Variants in LRRC7 observed in about 807,000 individuals in gnomAD.
LRRC7 encodes the protein leucine rich repeat containing 7, also known as leucine-rich repeat-containing protein 7.
Under a neutral mutation model 175.7 loss-of-function variants are expected in LRRC7, and 23 were observed. The observed-to-expected ratio is 0.13, with a 90% confidence interval of 0.09 to 0.19. The LOEUF (loss-of-function observed/expected upper bound fraction) is 0.19, where lower values mean the gene tolerates loss of function less well. Among genes scored for constraint, LRRC7 ranks in the 10% least tolerant of loss-of-function variants. The pLI is 1.00. For synonymous variants in LRRC7, 685 were observed against 680.9 expected (o/e 1.01, Z -0.09); for missense variants, 1,354 against 1,904.7 (o/e 0.71, Z 5.38).
At chr1:69,957,968 G>A (rs1012292523) in intron 8 of LRRC7, among the ~76,000 whole-genome samples, 6 of 151,880 alleles carry the variant, frequency 4.0e-5, no homozygotes, top group African/African-American at 1.2e-4. Flanking sequence ...AGAATGTGAT[G>A]CAAGTAAAAA....
intron 25 of LRRC7, among the ~76,000 whole-genome samples, chr1:70,097,027 C>T (rs1170396080): frequency 6.6e-6 from 1 of 152,218 alleles, no homozygotes; most frequent in Non-Finnish European, 1.5e-5. Context: ...TGTACAACTA[C>T]AGTGTCCTTT....
intron 3 of LRRC7, among the ~76,000 whole-genome samples, chr1:69,781,913 G>GAAGAAAGAAAGAAAGA (rs760972258): frequency 2.8e-4 from 19 of 68,070 alleles, no homozygotes; most frequent in African/African-American, 1.2e-3. Flanking sequence ...GAAAGAAAAA[G>GAAGAAAGAAAGAAAGA]AAGAAAGAAA....
chr1:69,697,868 T>C (rs980648395), intron 2 of LRRC7, among the ~76,000 whole-genome samples: 1 of 152,194 alleles, frequency 6.6e-6, no homozygotes, highest in Non-Finnish European at 1.5e-5. Flanking sequence ...TAAGACTTAG[T>C]GCATCTAGCC....
chr1:69,987,782 T>G (rs1467954735), intron 10 of LRRC7, among the ~76,000 whole-genome samples: 1 of 152,234 alleles, frequency 6.6e-6, no homozygotes, highest in South Asian at 2.1e-4. Flanking sequence ...TTAGCAAAAT[T>G]GTGGTCCATC....
chr1:69,709,681 C>T (rs1192734865), intron 2 of LRRC7, among the ~76,000 whole-genome samples: 1 of 152,128 alleles, frequency 6.6e-6, no homozygotes, highest in East Asian at 1.9e-4. Context: ...TTAAGAAATA[C>T]TCTGTATGAT....
chr1:69,911,154 T>A (rs1386428432), intron 7 of LRRC7, among the ~76,000 whole-genome samples: 1 of 152,220 alleles, frequency 6.6e-6, no homozygotes, highest in Non-Finnish European at 1.5e-5. Flanking sequence ...GCTTCCCAAG[T>A]GAGGCAATGC....
chr1:69,940,438 A>T (rs1454429825), intron 8 of LRRC7, among the ~76,000 whole-genome samples: 2 of 152,120 alleles, frequency 1.3e-5, no homozygotes, highest in East Asian at 3.9e-4. Context: ...CCATAAATGG[A>T]TTTTTCTGAG....
intron 8 of LRRC7, among the ~76,000 whole-genome samples, chr1:69,944,606 C>T (rs1346616345): frequency 6.6e-6 from 1 of 151,990 alleles, no homozygotes; most frequent in Non-Finnish European, 1.5e-5. Flanking sequence ...ATGACAGCAC[C>T]ATTTTACGTT....
rs1198418578 is a variant in LRRC7, at chr1:70,018,766, G to C, written c.1368G>C (p.Lys456Asn). 8.1e-6 allele frequency: 13 copies of C among 1,612,758 alleles called. No homozygotes were observed. Among genetic ancestry groups the C allele is most frequent in the Non-Finnish European group, 1.0e-5 (12 of 1,179,150 alleles). The change falls in exon 15 of 27, where the codon AAG (lysine) becomes AAC (asparagine). Residue 456 changes from lysine to asparagine, a missense_variant. Lys to Asn is a moderately conservative substitution (Grantham distance 94). Around this residue, in one of 4 missense-constraint regions of LRRC7, gnomAD observed 201 missense variants for 481.4 expected, o/e 0.42. Transcript: ENST00000651989. ...AAACAGAAGCCCATCCAGAAACAAA[G>C]CAAAGAGTATTGACTAACTACATGT... ...PLQTEAHPET[K>N]QRVLTNYMFP...
At chr1:69,595,934 T>A (rs1457203684) in intron 1 of LRRC7, among the ~76,000 whole-genome samples, 1 of 125,674 alleles carries the variant, frequency 8.0e-6, no homozygotes, top group Non-Finnish European at 1.9e-5. Context: ...ACATACCCAG[T>A]GAGTGATTGC....
At chr1:69,937,086 A>G (rs1472812778) in intron 8 of LRRC7, among the ~76,000 whole-genome samples, 1 of 152,114 alleles carries the variant, frequency 6.6e-6, no homozygotes, top group African/African-American at 2.4e-5. Flanking sequence ...TAATTTGTTT[A>G]TAAATTATTT....
chr1:69,597,781 C>A (rs1034749920), intron 1 of LRRC7, among the ~76,000 whole-genome samples: 2 of 152,158 alleles, frequency 1.3e-5, no homozygotes, highest in African/African-American at 4.8e-5. Context: ...TGGCCATTTA[C>A]GTGTAACTTC....
At chr1:69,944,701 C>T (rs771549905) in intron 8 of LRRC7, among the ~76,000 whole-genome samples, 24 of 151,516 alleles carry the variant, frequency 1.6e-4, no homozygotes, top group Non-Finnish European at 2.9e-4. Flanking sequence ...TGATAATGTT[C>T]GTTATAACAA....
At chr1:69,943,881 C>T (rs1402422707) in intron 8 of LRRC7, among the ~76,000 whole-genome samples, 2 of 150,466 alleles carry the variant, frequency 1.3e-5, no homozygotes, top group African/African-American at 4.9e-5. Flanking sequence ...AATGAAATTT[C>T]TAGTTCCAAA....
chr1:69,641,303 T>G (rs185999907), intron 1 of LRRC7, among the ~76,000 whole-genome samples: 326 of 151,778 alleles, frequency 2.1e-3, no homozygotes, highest in African/African-American at 7.7e-3. Flanking sequence ...ATTACCTATC[T>G]CAGACCTTTT....
intron 3 of LRRC7, among the ~76,000 whole-genome samples, chr1:69,781,783 A>G (rs1259171030): frequency 1.6e-5 from 1 of 63,444 alleles, no homozygotes; most frequent in Non-Finnish European, 3.1e-5. Flanking sequence ...GAAAGAAAGA[A>G]AGAAAGGAAG....
chr1:69,962,055 C>A (rs202041064), intron 8 of LRRC7, among the ~76,000 whole-genome samples: 2 of 152,012 alleles, frequency 1.3e-5, no homozygotes, highest in East Asian at 1.9e-4. Context: ...AACAGACAAT[C>A]TACAGAATGG....
chr1:69,811,468 C>A (rs1287724707), intron 4 of LRRC7, among the ~76,000 whole-genome samples: 1 of 152,078 alleles, frequency 6.6e-6, no homozygotes, highest in Non-Finnish European at 1.5e-5. Flanking sequence ...GACACATGGA[C>A]ACGTATGTTT....
intron 8 of LRRC7, among the ~76,000 whole-genome samples, chr1:69,962,557 A>G (rs1433563064): frequency 1.3e-5 from 2 of 152,252 alleles, no homozygotes; most frequent in Non-Finnish European, 2.9e-5. Context: ...ACTGTTCACA[A>G]TATCAAAGAC....
Sources: gnomAD v4.1 joint callset for allele counts (sites outside exome capture counted in the v4.1 genomes callset) on GRCh38, gnomAD v4.1.1 for gene constraint, gnomAD v4.1.1 regional missense constraint, MANE v1.5 for transcripts, NCBI Gene and HGNC (gene_info 2026-07-23, HGNC 2026-07-21) for gene names.